IQCM: variants seen among roughly 807,000 people sequenced by gnomAD.
IQCM encodes IQ motif containing M, also known as IQ domain-containing protein M.
IQCM carries 45 observed loss-of-function variants against 57.6 expected under a neutral mutation model. That is an observed-to-expected ratio of 0.78 (90% CI 0.62 to 1.00). The LOEUF (loss-of-function observed/expected upper bound fraction) is 1.00, where lower values mean the gene tolerates loss of function less well. Ranked by LOEUF, IQCM falls within the 50% of genes least tolerant of loss-of-function variation. The probability of loss-of-function intolerance (pLI) is 0.00; values close to 1 mark genes in which losing one functional copy is unlikely to be tolerated. For synonymous variants in IQCM, 148 were observed against 158.9 expected, an observed-to-expected ratio of 0.93 and a Z score of 0.51; for missense variants, 468 against 511.6, an observed-to-expected ratio of 0.91 and a Z score of 0.82.
intron 13 of IQCM, among the ~76,000 whole-genome samples, chr4:149,370,576 T>TAC (rs59009117): frequency 4.3e-4 from 64 of 148,710 alleles, no homozygotes; most frequent in African/African-American, 6.3e-4. Context: ...ACACACACTA[T>TAC]ACACACACAC....
At chr4:149,653,386 G>T (rs1440052430) in intron 7 of IQCM, among the ~76,000 whole-genome samples, 3 of 152,128 alleles carry the variant, frequency 2.0e-5, no homozygotes, top group Non-Finnish European at 4.4e-5. Flanking sequence ...TAAAGGCAAG[G>T]TCCTGTGTGA....
In IQCM at chr4:149,742,673, T is replaced by C. The variant is rs1341875515; in HGVS notation, c.19A>G (p.Met7Val). The change falls in exon 3 of 14, where the codon ATG becomes GTG. Residue 7 changes from methionine (M) to valine (V), a missense_variant. Transcript: ENST00000636793. MTTEEA[M>V]PEKAKCPTLE... ...TACTCACATTTTGCTTTTTCAGGCA[T>C]AGCCTCTTCAGTAGTCATGAGGGGC... 24 of 1,231,364 alleles carry C rather than the reference T, an allele frequency of 1.9e-5. No homozygotes were observed. The highest frequency in any genetic ancestry group is 4.2e-5 in the Admixed American group (1 of 23,684). The allele number at this position is 1,231,364 out of a possible 1,614,324, so 76.3% of individuals were successfully genotyped here. A position where few individuals can be genotyped will look rare whatever the true frequency, so the allele number is the denominator to read the frequency against.
intron 9 of IQCM, among the ~76,000 whole-genome samples, chr4:149,578,548 T>G (rs1751874205): frequency 6.6e-6 from 1 of 151,784 alleles, no homozygotes. Context: ...GGGATACTTC[T>G]GCTCCCAATC....
At chr4:149,421,658 C>T (rs1734130759) in intron 13 of IQCM, among the ~76,000 whole-genome samples, 1 of 151,872 alleles carries the variant, frequency 6.6e-6, no homozygotes, top group Admixed American at 6.6e-5. Context: ...TATTTTCCCA[C>T]AGTATGCAAA....
In IQCM at chr4:149,647,620, CTTTTGCTTT is replaced by C. The variant is rs569651444; in HGVS notation, c.566-26385_566-26377del. On this transcript the variant is annotated intron_variant, in intron 7 of 13. Transcript: ENST00000636793. ...TTTTCTTATCCTTTTTCTTTTACTT[CTTTTGCTTT>C]TCTTTTTTTCTTCTCTTTTTGCTGG... 4.0e-4 allele frequency among the ~76,000 whole-genome samples: 61 copies of C among 151,982 alleles called. 1 individual carries two copies. Among genetic ancestry groups the C allele is most frequent in the African/African-American group, 1.5e-3 (61 of 41,508 alleles).
At chr4:149,473,973 C>T (rs948202628) in intron 12 of IQCM, among the ~76,000 whole-genome samples, 2 of 151,880 alleles carry the variant, frequency 1.3e-5, no homozygotes, top group Non-Finnish European at 2.9e-5. Context: ...TAGGGTCTGT[C>T]GTGGTGTCGG....
chr4:149,376,157 G>T (rs1730688791), intron 13 of IQCM, among the ~76,000 whole-genome samples: 1 of 152,052 alleles, frequency 6.6e-6, no homozygotes, highest in African/African-American at 2.4e-5. Context: ...TTTTGATTTT[G>T]CTTTTTACTA....
chr4:149,759,424 T>A (rs990021042), intron 2 of IQCM, among the ~76,000 whole-genome samples: 1 of 152,148 alleles, frequency 6.6e-6, no homozygotes, highest in Non-Finnish European at 1.5e-5. Flanking sequence ...TAATAATGTG[T>A]CAATATAGGG....
intron 13 of IQCM, among the ~76,000 whole-genome samples, chr4:149,354,938 G>A (rs11941477): frequency 0.28 from 42,864 of 151,950 alleles, 6,180 homozygotes; most frequent in Middle Eastern, 0.33. Flanking sequence ...GAGTACATGG[G>A]AACACTCTAC....
intron 13 of IQCM, among the ~76,000 whole-genome samples, chr4:149,425,045 T>C (rs904569556): frequency 6.6e-6 from 1 of 151,988 alleles, no homozygotes; most frequent in Non-Finnish European, 1.5e-5. Context: ...TTCAAGCAAG[T>C]TACTTAGCCT....
At chr4:149,375,042 G>T (rs1578843314) in intron 13 of IQCM, among the ~76,000 whole-genome samples, 2 of 150,442 alleles carry the variant, frequency 1.3e-5, no homozygotes, top group East Asian at 3.9e-4. Context: ...TAACAGAGAA[G>T]TAGCCATTAA....
chr4:149,541,526 T>C (rs1334539691), intron 12 of IQCM, among the ~76,000 whole-genome samples: 3 of 152,128 alleles, frequency 2.0e-5, no homozygotes, highest in Non-Finnish European at 2.9e-5. Flanking sequence ...GTAGATAATA[T>C]ACACCCACAA....
chr4:149,439,651 C>G (rs1560839225), intron 12 of IQCM, among the ~76,000 whole-genome samples: 1 of 151,894 alleles, frequency 6.6e-6, no homozygotes, highest in Non-Finnish European at 1.5e-5. Context: ...TTTAAGTACT[C>G]TATTTTAAAA....
chr4:149,443,087 T>C (rs1449721325), intron 12 of IQCM, among the ~76,000 whole-genome samples: 1 of 151,904 alleles, frequency 6.6e-6, no homozygotes, highest in Non-Finnish European at 1.5e-5. Context: ...AAAAGCAAGT[T>C]GAAACTCTTG....
At chr4:149,809,315 C>T (rs1257951604) in intron 2 of IQCM, among the ~76,000 whole-genome samples, 1 of 151,630 alleles carries the variant, frequency 6.6e-6, no homozygotes, top group East Asian at 1.9e-4. Context: ...ACTGGTGTCA[C>T]TATAATAAAA....
intron 11 of IQCM, among the ~76,000 whole-genome samples, chr4:149,549,211 A>T (rs1748760983): frequency 6.6e-6 from 1 of 152,196 alleles, no homozygotes; most frequent in Non-Finnish European, 1.5e-5. Flanking sequence ...GAAAGGAGTT[A>T]GATAATGAGC....
intron 13 of IQCM, among the ~76,000 whole-genome samples, chr4:149,405,828 C>T (rs1732933187): frequency 1.5e-5 from 2 of 135,420 alleles, no homozygotes; most frequent in African/African-American, 5.4e-5. Context: ...TCCTAAGGAG[C>T]ATATATATAT....
intron 13 of IQCM, among the ~76,000 whole-genome samples, chr4:149,374,185 T>C (rs1730555348): frequency 6.6e-6 from 1 of 152,174 alleles, no homozygotes. Context: ...ATCTCTTTAG[T>C]GTTCTGAGTC....
At chr4:149,610,155 G>A (rs767654914) in intron 8 of IQCM, among the ~76,000 whole-genome samples, 8 of 151,574 alleles carry the variant, frequency 5.3e-5, no homozygotes, top group Admixed American at 1.3e-4. Flanking sequence ...AAACACCTAG[G>A]AATACACTTA....
Sources: allele counts gnomAD v4.1 joint callset (sites outside exome capture counted in the v4.1 genomes callset), GRCh38; gene constraint gnomAD v4.1.1; transcripts MANE v1.5; gene names NCBI Gene and HGNC (gene_info 2026-07-23, HGNC 2026-07-21).